ARHGEF38: variants seen among roughly 807,000 people sequenced by gnomAD.
ARHGEF38 encodes Rho guanine nucleotide exchange factor (GEF) 38.
A neutral mutation model predicts 79.9 loss-of-function variants in ARHGEF38; 79 were observed. The ratio of observed to expected loss-of-function variants is 0.99; its 90% confidence interval spans 0.82 to 1.19. The LOEUF is 1.19. Ranked by LOEUF, ARHGEF38 falls within the 50% of genes most tolerant of loss-of-function variation. ARHGEF38 has a pLI of 0.00. For synonymous variants in ARHGEF38, 366 were observed against 328.3 expected (o/e 1.11, Z -1.24); for missense variants, 962 against 907.2 (o/e 1.06, Z -0.78).
intron 10 of ARHGEF38, among the ~76,000 whole-genome samples, chr4:105,664,860 T>A (rs28698939): frequency 0.15 from 22,646 of 152,118 alleles, 2,590 homozygotes; most frequent in African/African-American, 0.32. Flanking sequence ...TTTCTGTCAA[T>A]ACTACTGAAA....
intron 1 of ARHGEF38, among the ~76,000 whole-genome samples, chr4:105,563,767 A>G (rs920403599): frequency 6.6e-6 from 1 of 152,230 alleles, no homozygotes; most frequent in Non-Finnish European, 1.5e-5. Flanking sequence ...GAGAACTGTA[A>G]GTTCTGCCAA....
intron 2 of ARHGEF38, among the ~76,000 whole-genome samples, chr4:105,602,735 A>T (rs1443072938): frequency 6.6e-6 from 1 of 152,150 alleles, no homozygotes; most frequent in African/African-American, 2.4e-5. Context: ...GCAAAATCCA[A>T]ACTCGGCTGA....
chr4:105,605,993 T>G (rs1247045432), intron 2 of ARHGEF38, among the ~76,000 whole-genome samples: 1 of 152,108 alleles, frequency 6.6e-6, no homozygotes, highest in Non-Finnish European at 1.5e-5. Flanking sequence ...ATCATTGGGT[T>G]TTGATGGCTT....
chr4:105,625,024 A>G (rs1728885759), intron 3 of ARHGEF38, among the ~76,000 whole-genome samples: 1 of 152,156 alleles, frequency 6.6e-6, no homozygotes, highest in Admixed American at 6.5e-5. Flanking sequence ...CTTGACCACA[A>G]GTTTTATTTA....
intron 10 of ARHGEF38, among the ~76,000 whole-genome samples, chr4:105,663,729 G>A (rs1018745256): frequency 2.0e-5 from 3 of 152,180 alleles, no homozygotes; most frequent in Non-Finnish European, 4.4e-5. Context: ...CAGCACTTTG[G>A]GAGGCTGAGG....
chr4:105,616,484 G>A (rs1037854362), intron 3 of ARHGEF38, among the ~76,000 whole-genome samples: 7 of 152,018 alleles, frequency 4.6e-5, no homozygotes, highest in East Asian at 3.9e-4. Flanking sequence ...GGGGAAGTGC[G>A]ATGCACTTTC....
intron 2 of ARHGEF38, among the ~76,000 whole-genome samples, chr4:105,610,680 T>G (rs1728256343): frequency 6.6e-6 from 1 of 152,096 alleles, no homozygotes; most frequent in African/African-American, 2.4e-5. Flanking sequence ...GGGCTCATAG[T>G]GATATGGGCG....
intron 13 of ARHGEF38, among the ~76,000 whole-genome samples, chr4:105,673,699 A>G (rs371621604): frequency 1.3e-5 from 2 of 152,294 alleles, no homozygotes; most frequent in African/African-American, 4.8e-5. Context: ...AAGGAAGGAA[A>G]GAAGGAAGAA....
In ARHGEF38 at chr4:105,680,042, T is replaced by C; in HGVS notation, c.*2105T>C. 3.5e-6 allele frequency: 3 copies of C among 869,040 alleles called. No individual in the cohort carries two copies. Among genetic ancestry groups the C allele is most frequent in the Non-Finnish European group, 5.9e-6 (3 of 506,322 alleles). 53.8% of individuals were successfully genotyped at this position (869,040 alleles called of 1,614,324 possible). On this transcript the variant is annotated 3_prime_UTR_variant, in exon 14 of 14. Transcript: ENST00000420470. Reference sequence around the variant, plus strand: ...CATGTCAGTTACATTCTTCTTCGTCTCACAGAAAATAATAGCCCTCCCTTC... The same window carrying C: ...CATGTCAGTTACATTCTTCTTCGTCCCACAGAAAATAATAGCCCTCCCTTC...
At chr4:105,560,775 A>G (rs1241022409) in intron 1 of ARHGEF38, among the ~76,000 whole-genome samples, 5 of 152,142 alleles carry the variant, frequency 3.3e-5, no homozygotes, top group Admixed American at 3.3e-4. Context: ...TCTAGCTACT[A>G]CTCTAAGTAT....
intron 4 of ARHGEF38, among the ~76,000 whole-genome samples, 182 bp from the exon 5 acceptor site, chr4:105,636,221 A>C (rs1361434867): frequency 6.6e-6 from 1 of 152,038 alleles, no homozygotes; most frequent in Non-Finnish European, 1.5e-5. Flanking sequence ...TTAGATAAAA[A>C]CTTTCATCTT....
Position 105,679,198 on chromosome 4 carries a change from C to A in ARHGEF38, c.*1261C>A. 1 of 624,442 alleles carries A rather than the reference C, an allele frequency of 1.6e-6. No individual in the cohort carries two copies. Among genetic ancestry groups the A allele is most frequent in the South Asian group, 2.0e-5 (1 of 50,414 alleles). 38.7% of individuals were successfully genotyped at this position (624,442 alleles called of 1,614,324 possible). A position where few individuals can be genotyped will look rare whatever the true frequency, so the allele number is the denominator to read the frequency against. On this transcript the variant is annotated 3_prime_UTR_variant, in exon 14 of 14. Coordinates refer to ENST00000420470, the MANE Select transcript of ARHGEF38 (RefSeq NM_001242729.2). Reference sequence around the variant, plus strand: ...AGATCGACAACCTGACTGGCCTGACCAGCCACTCCTCTGTCTGGAATTAAA... The same window carrying A: ...AGATCGACAACCTGACTGGCCTGACAAGCCACTCCTCTGTCTGGAATTAAA...
chr4:105,675,618 A>G (rs1731092457), intron 13 of ARHGEF38, among the ~76,000 whole-genome samples: 1 of 152,202 alleles, frequency 6.6e-6, no homozygotes, highest in African/African-American at 2.4e-5. Context: ...TGGTCAATGG[A>G]GAAAAGTTTA....
chr4:105,574,995 CACATACACACACATATAT>C (rs1726422440), intron 1 of ARHGEF38, among the ~76,000 whole-genome samples: 2 of 81,644 alleles, frequency 2.4e-5, no homozygotes, highest in African/African-American at 6.7e-5. Context: ...TATATGTACA[CACATACACACACATATAT>C]ACACACACAC....
rs551189081 is a variant in ARHGEF38 at position 105,660,211 on chromosome 4, C to T, written c.1545+846C>T. ...GTAAATGTATAATCAGTCTCACACT[C>T]ATACCTGTTCCTCTAGCATCCCATT... On this transcript the variant is annotated intron_variant, in intron 10 of 13. Coordinates refer to ENST00000420470, the MANE Select transcript of ARHGEF38 (RefSeq NM_001242729.2). Among the ~76,000 whole-genome samples the T allele has an allele frequency of 7.2e-5, 11 of 152,284 alleles. No homozygotes were observed. In the South Asian group the frequency reaches 2.1e-3, roughly 29 times the overall value.
intron 3 of ARHGEF38, among the ~76,000 whole-genome samples, chr4:105,630,290 C>T (rs1266253787): frequency 1.3e-5 from 2 of 151,620 alleles, no homozygotes; most frequent in African/African-American, 2.4e-5. Context: ...CTCTGTCACC[C>T]AGGCTGGAGT....
At chr4:105,603,314 A>T (rs1727902443) in intron 2 of ARHGEF38, among the ~76,000 whole-genome samples, 1 of 152,132 alleles carries the variant, frequency 6.6e-6, no homozygotes, top group Non-Finnish European at 1.5e-5. Context: ...AACTTATCCA[A>T]AGTCACACAG....
At chr4:105,617,634 A>G (rs1728561647) in intron 3 of ARHGEF38, among the ~76,000 whole-genome samples, 1 of 152,230 alleles carries the variant, frequency 6.6e-6, no homozygotes, top group South Asian at 2.1e-4. Flanking sequence ...CTGAAATTGA[A>G]TTGCATTTTG....
In ARHGEF38 at chr4:105,643,872, C is replaced by CTT. The variant is rs5860804; in HGVS notation, c.675-1294_675-1293dup. On this transcript the variant is annotated intron_variant, in intron 5 of 13. Transcript: ENST00000420470. Reference sequence around the variant, plus strand: ...AGATGGTCTCTAAGATGCCTTCCTACTTTTTTTTTTTTTTTTTTTTTTTGC... The same window carrying CTT: ...AGATGGTCTCTAAGATGCCTTCCTACTTTTTTTTTTTTTTTTTTTTTTTTTGC... 8.0e-3 allele frequency among the ~76,000 whole-genome samples: 783 copies of CTT among 98,010 alleles called. 16 individuals carry two copies. Among genetic ancestry groups the CTT allele is most frequent in the African/African-American group, 0.016 (302 of 19,274 alleles). The allele number at this position is 98,010 out of a possible 152,430, so 64.3% of individuals were successfully genotyped here. A position where few individuals can be genotyped will look rare whatever the true frequency, so the allele number is the denominator to read the frequency against.
Sources: allele counts gnomAD v4.1 joint callset (sites outside exome capture counted in the v4.1 genomes callset), GRCh38; gene constraint gnomAD v4.1.1; transcripts MANE v1.5; gene names NCBI Gene and HGNC (gene_info 2026-07-23, HGNC 2026-07-21).